The following RPL27A variants were observed in gnomAD, a reference collection of about 807,000 sequenced individuals.
The protein encoded by RPL27A is ribosomal protein L27a, also known as large ribosomal subunit protein uL15.
For missense variants in RPL27A, 118 were observed against 189.4 expected, an observed-to-expected ratio of 0.62 and a Z score of 2.21; for synonymous variants, 69 against 68.3, an observed-to-expected ratio of 1.01 and a Z score of -0.05.
At chr11:8,684,405 C>T (rs769823188) in intron 3 of RPL27A, 2 of 717,728 alleles carry the variant, frequency 2.8e-6, no homozygotes, top group African/African-American at 3.4e-5. Flanking sequence ...TTTGGCTATT[C>T]AGAAGACGTT....
At chr11:8,683,063 C>A in intron 1 of RPL27A, 139 bp from the exon 2 acceptor site, 1 of 959,456 alleles carries the variant, frequency 1.0e-6, no homozygotes, top group Non-Finnish European at 1.6e-6. Flanking sequence ...CGGCCCTGAG[C>A]GGATCGGTAC....
Position 8,688,320 on chromosome 11 carries a change from G to T in RPL27A, c.*2514G>T, listed in dbSNP as rs111592458. The T allele has an allele frequency of 6.0e-4, 91 of 152,254 alleles. No individual in the cohort carries two copies. The highest frequency in any genetic ancestry group is 2.1e-3 in the African/African-American group (86 of 41,560). 9.4% of individuals were successfully genotyped at this position (152,254 alleles called of 1,614,324 possible). ...CCTTAATGGCTACCTTCTTCCCCAG[G>T]AGTTGTTAGGCCATCCGATCCCCTG... On this transcript the variant is annotated 3_prime_UTR_variant, in exon 5 of 5. Transcript: ENST00000314138.
intron 4 of RPL27A, chr11:8,685,237 T>G: frequency 2.3e-6 from 1 of 426,604 alleles, no homozygotes; most frequent in Non-Finnish European, 4.4e-6. Flanking sequence ...GTATTATGTC[T>G]GTCCTTGCGG....
intron 1 of RPL27A, 161 bp downstream of exon 1, chr11:8,682,977 C>T (rs2039515220): frequency 2.9e-6 from 3 of 1,032,834 alleles, no homozygotes; most frequent in East Asian, 2.5e-5. Flanking sequence ...GGGCGGGGCT[C>T]CCGGAGCCGT....
At chr11:8,683,551 A>G (rs2039535120) in intron 2 of RPL27A, 1 of 541,922 alleles carries the variant, frequency 1.8e-6, no homozygotes, top group East Asian at 3.2e-5. Context: ...CGGAATCCTA[A>G]AGTAATCGCA....
chr11:8,685,294 A>G, intron 4 of RPL27A: 2 of 472,456 alleles, frequency 4.2e-6, no homozygotes, highest in South Asian at 3.5e-5. Context: ...ATATAGAGGT[A>G]GTGTTAAGAG....
At chr11:8,683,322 G>C (rs2039527848) in intron 2 of RPL27A, 57 bp downstream of exon 2, 5 of 1,470,066 alleles carry the variant, frequency 3.4e-6, no homozygotes, top group Non-Finnish European at 4.8e-6. Flanking sequence ...TGCTTAGCTA[G>C]TCTGGAGATC....
At position 8,683,408 on chromosome 11, in the gene RPL27A, C is replaced by T. The variant is rs138159937; in HGVS notation, c.67+143C>T. On this transcript the variant is annotated intron_variant, in intron 2 of 4. Transcript: ENST00000314138. ...AGCTGTTGATTTTTTTCTGACGATC[C>T]TCTAGTATTCCAGTTCTAAGGAATT... The T allele has an allele frequency of 6.0e-5, 41 of 681,318 alleles. 1 individual carries two copies. The highest frequency in any genetic ancestry group is 5.3e-4 in the South Asian group (30 of 57,120). 42.2% of individuals were successfully genotyped at this position (681,318 alleles called of 1,614,324 possible).
chr11:8,685,586 T>C, intron 4 of RPL27A, 92 bp from the exon 5 acceptor site: 1 of 1,409,384 alleles, frequency 7.1e-7, no homozygotes, highest in Non-Finnish European at 1.0e-6. Context: ...TGCCTAGGGA[T>C]TTAGAAAGTG....
chr11:8,689,051 G>C lies in RPL27A; in HGVS notation c.*3245G>C, dbSNP rs2039614239. 1.3e-5 allele frequency: 2 copies of C among 152,284 alleles called. No individual in the cohort carries two copies. The highest frequency in any genetic ancestry group is 4.1e-4 in the South Asian group (2 of 4,834). 9.4% of individuals were successfully genotyped at this position (152,284 alleles called of 1,614,324 possible). On this transcript the variant is annotated 3_prime_UTR_variant, in exon 5 of 5. Transcript: ENST00000314138. Reference sequence around the variant, plus strand: ...GACCGGAAGAAGCCCGGCGGAGACCGGCCTCGCTCGGCCACTTCCGGCAAG... The same window carrying C: ...GACCGGAAGAAGCCCGGCGGAGACCCGCCTCGCTCGGCCACTTCCGGCAAG...
At position 8,686,450 on chromosome 11, in the gene RPL27A, C is replaced by T. The variant is rs1033492396; in HGVS notation, c.*644C>T. 3 of 152,336 alleles carry T rather than the reference C, an allele frequency of 2.0e-5. No homozygotes were observed. The highest frequency in any genetic ancestry group is 1.3e-4 in the Admixed American group (2 of 15,276). 9.4% of individuals were successfully genotyped at this position (152,336 alleles called of 1,614,324 possible). A position where few individuals can be genotyped will look rare whatever the true frequency, so the allele number is the denominator to read the frequency against. On this transcript the variant is annotated 3_prime_UTR_variant, in exon 5 of 5. Coordinates refer to ENST00000314138, the MANE Select transcript of RPL27A (RefSeq NM_000990.5). Reference sequence around the variant, plus strand: ...TTCACCATGTTGGCCATGCTGGTCTCTAACTCCTAACCTCAAGTGATCTGC... The same window carrying T: ...TTCACCATGTTGGCCATGCTGGTCTTTAACTCCTAACCTCAAGTGATCTGC...
rs2133621353 is a variant in RPL27A at position 8,688,455 on chromosome 11, T to C, written c.*2649T>C. 6.6e-6 allele frequency: 1 copy of C among 152,282 alleles called. No individual in the cohort carries two copies. Among genetic ancestry groups the C allele is most frequent in the South Asian group, 2.1e-4 (1 of 4,826 alleles). 9.4% of individuals were successfully genotyped at this position (152,282 alleles called of 1,614,324 possible). A position where few individuals can be genotyped will look rare whatever the true frequency, so the allele number is the denominator to read the frequency against. On this transcript the variant is annotated 3_prime_UTR_variant, in exon 5 of 5. Transcript: ENST00000314138. Reference sequence around the variant, plus strand: ...TGTGATGAGGAACAGACGAAAATAGTTTTGAGCCCTAAGTCCGCCGATTCC... The same window carrying C: ...TGTGATGAGGAACAGACGAAAATAGCTTTGAGCCCTAAGTCCGCCGATTCC...
Position 8,686,823 on chromosome 11 carries a change from TATA to T in RPL27A, c.*1020_*1022del, listed in dbSNP as rs1241623415. ...AAGATCCTCATAGATCTCGGTAAAT[TATA>T]ATTTGCTACAGTTTTATGGTTCTTC... On this transcript the variant is annotated 3_prime_UTR_variant, in exon 5 of 5. Coordinates refer to ENST00000314138, the MANE Select transcript of RPL27A (RefSeq NM_000990.5). 1 of 152,184 alleles carries T rather than the reference TATA, an allele frequency of 6.6e-6. No homozygotes were observed. The highest frequency in any genetic ancestry group is 1.5e-5 in the Non-Finnish European group (1 of 68,026). 9.4% of individuals were successfully genotyped at this position (152,184 alleles called of 1,614,324 possible). A position where few individuals can be genotyped will look rare whatever the true frequency, so the allele number is the denominator to read the frequency against.
At chr11:8,685,277 C>G (rs1565592309) in intron 4 of RPL27A, 1 of 454,808 alleles carries the variant, frequency 2.2e-6, no homozygotes, top group Non-Finnish European at 4.2e-6. Context: ...AGTCTTAACT[C>G]TCATGAATAT....
chr11:8,683,855 A>G (rs944597823), intron 2 of RPL27A, 151 bp from the exon 3 acceptor site: 5 of 696,510 alleles, frequency 7.2e-6, no homozygotes, highest in African/African-American at 5.3e-5. Flanking sequence ...TTCTTTTTCT[A>G]TTTTTAGTAG....
intron 2 of RPL27A, chr11:8,683,584 G>C: frequency 1.9e-6 from 1 of 516,998 alleles, no homozygotes. Flanking sequence ...GGCATCGGTA[G>C]GGTGGGAACA....
chr11:8,688,218 G>A lies in RPL27A; in HGVS notation c.*2412G>A, dbSNP rs1057460983. 1 of 152,296 alleles carries A rather than the reference G, an allele frequency of 6.6e-6. No homozygotes were observed. Among genetic ancestry groups the A allele is most frequent in the Admixed American group, 6.5e-5 (1 of 15,278 alleles). The allele number at this position is 152,296 out of a possible 1,614,324, so 9.4% of individuals were successfully genotyped here. ...GACGGCATAATGGACGGGACTTGGA[G>A]ACTGAATTGTAGTGGGCCGACCACA... On this transcript the variant is annotated 3_prime_UTR_variant, in exon 5 of 5. Transcript: ENST00000314138.
At chr11:8,683,809 C>T (rs528782465) in intron 2 of RPL27A, 197 bp from the exon 3 acceptor site, 1 of 586,476 alleles carries the variant, frequency 1.7e-6, no homozygotes. Context: ...TCCCGAGTAG[C>T]TGATATTACA....
chr11:8,683,334 G>T, intron 2 of RPL27A, 69 bp downstream of exon 2: 5 of 1,390,816 alleles, frequency 3.6e-6, no homozygotes, highest in African/African-American at 1.4e-5. Flanking sequence ...CTGGAGATCG[G>T]TAGCCTATAA....
Sources: gnomAD v4.1 joint callset for allele counts on GRCh38, gnomAD v4.1.1 for gene constraint, MANE v1.5 for transcripts, NCBI Gene and HGNC (gene_info 2026-07-23, HGNC 2026-07-21) for gene names.